ENKUR: variants seen among roughly 807,000 people sequenced by gnomAD.
ENKUR encodes enkurin.
A neutral mutation model predicts 27.6 loss-of-function variants in ENKUR; 19 were observed. That is an observed-to-expected ratio of 0.69 (90% CI 0.48 to 1.01). The LOEUF (loss-of-function observed/expected upper bound fraction) is 1.01. Ranked by LOEUF, ENKUR falls within the 50% of genes least tolerant of loss-of-function variation. The probability of loss-of-function intolerance (pLI) is 0.00; values close to 1 mark genes in which losing one functional copy is unlikely to be tolerated. For synonymous variants in ENKUR, 117 were observed against 96.9 expected (o/e 1.21, Z -1.22); for missense variants, 312 against 310.5 (o/e 1.00, Z -0.04).
At chr10:25,003,189 T>A (rs542233045) in intron 1 of ENKUR, among the ~76,000 whole-genome samples, 26 of 152,100 alleles carry the variant, frequency 1.7e-4, no homozygotes, top group Non-Finnish European at 2.9e-4. Context: ...TTAATTTATT[T>A]ATTTATTCAT....
chr10:25,055,350 A>G (rs1170705766), intron 2 of ENKUR, among the ~76,000 whole-genome samples: 1 of 151,868 alleles, frequency 6.6e-6, no homozygotes, highest in African/African-American at 2.4e-5. Context: ...AAAAGGTCCT[A>G]GTTTTCAGCC....
intron 2 of ENKUR, among the ~76,000 whole-genome samples, chr10:25,037,728 T>C (rs548981994): frequency 6.6e-6 from 1 of 152,284 alleles, no homozygotes; most frequent in African/African-American, 2.4e-5. Context: ...ACCTCCTAGA[T>C]CCTGCTTGTT....
chr10:25,058,091 G>A (rs536259692), intron 2 of ENKUR, among the ~76,000 whole-genome samples: 86 of 152,122 alleles, frequency 5.7e-4, no homozygotes, highest in African/African-American at 2.0e-3. Flanking sequence ...GAAACGCTTC[G>A]TGCCCAGAGT....
intron 1 of ENKUR, among the ~76,000 whole-genome samples, chr10:25,012,213 G>C (rs1308994521): frequency 2.0e-5 from 3 of 151,020 alleles, no homozygotes; most frequent in Non-Finnish European, 4.4e-5. Context: ...TGGATGTCTA[G>C]GCAAAGATGT....
intron 3 of ENKUR, 51 bp downstream of exon 3, chr10:24,995,595 T>C (rs377386698): frequency 3.8e-5 from 55 of 1,446,074 alleles, no homozygotes; most frequent in South Asian, 3.0e-4. Flanking sequence ...ATGAACACCA[T>C]ATTTAAATTA....
intron 2 of ENKUR, among the ~76,000 whole-genome samples, chr10:25,044,189 A>G (rs566567208): frequency 1.4e-4 from 21 of 152,186 alleles, no homozygotes; most frequent in African/African-American, 3.9e-4. Flanking sequence ...TCTGAATTCT[A>G]TTATCTTCTC....
intron 2 of ENKUR, chr10:25,023,787 T>G: frequency 1.2e-6 from 2 of 1,614,146 alleles, no homozygotes; most frequent in South Asian, 1.1e-5. Context: ...TACTTAAATT[T>G]AGAAGACAGT....
rs1363694866 is a variant in ENKUR at position 24,982,203 on chromosome 10, G to A, written c.*2167C>T. The A allele has an allele frequency of 1.3e-5, 2 of 152,250 alleles. No individual in the cohort carries two copies. Among genetic ancestry groups the A allele is most frequent in the Non-Finnish European group, 2.9e-5 (2 of 68,080 alleles). 9.4% of individuals were successfully genotyped at this position (152,250 alleles called of 1,614,324 possible). ...GGCCAGATTCTGAGGAATCAAAGGGGATTGTCATGGAAATGTGATGTGAGC... is the reference window on the plus strand; with the variant it reads ...GGCCAGATTCTGAGGAATCAAAGGGAATTGTCATGGAAATGTGATGTGAGC... On this transcript the variant is annotated 3_prime_UTR_variant, in exon 6 of 6. Transcript: ENST00000331161.
At chr10:25,027,745 G>A (rs1850884721) in intron 2 of ENKUR, among the ~76,000 whole-genome samples, 1 of 151,880 alleles carries the variant, frequency 6.6e-6, no homozygotes, top group African/African-American at 2.4e-5. Context: ...GCTGGATATG[G>A]TGGTGCACAC....
upstream of ENKUR, among the ~76,000 whole-genome samples, chr10:25,017,761 C>G (rs1850636505): frequency 6.6e-6 from 1 of 151,720 alleles, no homozygotes; most frequent in African/African-American, 2.4e-5. Context: ...AGATCTAGAT[C>G]CAAATCTATA....
intron 1 of ENKUR, among the ~76,000 whole-genome samples, chr10:25,003,365 C>G (rs1484595844): frequency 5.3e-5 from 8 of 151,986 alleles, no homozygotes; most frequent in Non-Finnish European, 1.5e-5. Context: ...CACCGCCATG[C>G]CTGGCTAATT....
intron 2 of ENKUR, chr10:25,023,344 G>C (rs1402255883): frequency 2.5e-6 from 4 of 1,614,142 alleles, no homozygotes; most frequent in Non-Finnish European, 2.5e-6. Context: ...TGCACTTGCG[G>C]AATTGAGGAA....
At chr10:24,988,257 T>A in intron 4 of ENKUR, among the ~76,000 whole-genome samples, 1 of 140,394 alleles carries the variant, frequency 7.1e-6, no homozygotes, top group Non-Finnish European at 1.5e-5. Context: ...TATATGTGTA[T>A]ATATATATTT....
chr10:25,039,879 C>T (rs1851042545), intron 2 of ENKUR, among the ~76,000 whole-genome samples: 1 of 149,850 alleles, frequency 6.7e-6, no homozygotes, highest in South Asian at 2.1e-4. Context: ...AGCACACCAA[C>T]ATGGCACATG....
At chr10:25,033,825 G>GTGTCTATCTATCTATCTA (rs912241465) in intron 2 of ENKUR, among the ~76,000 whole-genome samples, 1 of 148,620 alleles carries the variant, frequency 6.7e-6, no homozygotes, top group African/African-American at 2.5e-5. Context: ...GTGTGTGTGT[G>GTGTCTATCTATCTATCTA]TCTATCTATC....
intron 2 of ENKUR, among the ~76,000 whole-genome samples, chr10:25,058,795 G>A (rs1457537842): frequency 1.3e-5 from 2 of 152,084 alleles, no homozygotes; most frequent in Non-Finnish European, 2.9e-5. Context: ...GCCAGGTGTA[G>A]TGGCTCATGC....
rs756818652 is a variant in ENKUR, at chr10:25,061,142, T to A, written c.7A>T (p.Thr3Ser). ...GAGCCACCTCCAGTCACCCGCTCTG[T>A]CTTCATGCTCCGTGGTGAACAATCT... is the stretch of plus-strand genomic sequence containing the variant. The change falls in exon 2 of 6, where the codon ACA becomes TCA. Residue 3 changes from threonine to serine, a missense_variant. Coordinates refer to the ENKUR transcript ENST00000615958. 12 of 1,536,102 alleles carry A rather than the reference T, an allele frequency of 7.8e-6. No homozygotes were observed. In the African/African-American group the frequency reaches 1.6e-4, roughly 21 times the overall value.
chr10:25,050,378 A>T (rs904869444), intron 2 of ENKUR, among the ~76,000 whole-genome samples: 14 of 152,242 alleles, frequency 9.2e-5, no homozygotes, highest in African/African-American at 3.1e-4. Context: ...TCACAGTTCC[A>T]CATGGCTAGG....
At chr10:25,024,655 C>T in intron 2 of ENKUR, 1 of 1,614,244 alleles carries the variant, frequency 6.2e-7, no homozygotes, top group Non-Finnish European at 8.5e-7. Flanking sequence ...CCGACTACTT[C>T]CGCAGGTAGT....
Sources: gnomAD v4.1 joint callset for allele counts (sites outside exome capture counted in the v4.1 genomes callset) on GRCh38, gnomAD v4.1.1 for gene constraint, MANE v1.5 for transcripts, NCBI Gene and HGNC (gene_info 2026-07-23, HGNC 2026-07-21) for gene names.